The following HPN variants were observed in gnomAD, a reference collection of about 807,000 sequenced individuals.
The protein encoded by HPN is serine protease hepsin.
Under a neutral mutation model 55.9 loss-of-function variants are expected in HPN, and 13 were observed. The ratio of observed to expected loss-of-function variants is 0.23; its 90% CI spans 0.15 to 0.37. The LOEUF (loss-of-function observed/expected upper bound fraction) is 0.37. Among genes scored for constraint, HPN ranks in the 10% least tolerant of loss-of-function variants. The pLI, the probability that HPN is intolerant of heterozygous loss-of-function variation, is 1.00. For synonymous variants in HPN, 225 were observed against 240.3 expected (o/e 0.94, Z 0.59); for missense variants, 451 against 575.8 (o/e 0.78, Z 2.22).
chr19:35,047,826 G>T (rs1369617790), intron 2 of HPN, among the ~76,000 whole-genome samples: 1 of 151,634 alleles, frequency 6.6e-6, no homozygotes, highest in Non-Finnish European at 1.5e-5. Context: ...GGCAAACCCC[G>T]TCAATACAAA....
At chr19:35,043,135 T>G (rs2064310616) in intron 2 of HPN, among the ~76,000 whole-genome samples, 1 of 152,074 alleles carries the variant, frequency 6.6e-6, no homozygotes, top group African/African-American at 2.4e-5. Flanking sequence ...ATCCCAGACA[T>G]TCCTCCACCT....
chr19:35,049,375 G>A lies in HPN; in HGVS notation c.102G>A (p.Ala34=), dbSNP rs770206477. The A allele has an allele frequency of 3.3e-5, 53 of 1,603,272 alleles. No homozygotes were observed. Among genetic ancestry groups the A allele is most frequent in the Admixed American group, 6.8e-5 (4 of 58,932 alleles). ...GTLLLLTAIG[A]ASWAIVAVLL... ...TGCTACTTCTGACAGCCATCGGGGC[G>A]GCATCCTGGGCCATTGGTGAGAGCG... The change falls in exon 3 of 13, where the codon GCG becomes GCA. Residue 34 remains alanine (A), a synonymous_variant. Coordinates refer to ENST00000672452, the MANE Select transcript of HPN (RefSeq NM_001384133.1).
chr19:35,064,209 G>A (rs1356017061), intron 9 of HPN, among the ~76,000 whole-genome samples: 1 of 152,134 alleles, frequency 6.6e-6, no homozygotes, highest in Non-Finnish European at 1.5e-5. Context: ...CATAGGTTGT[G>A]CACTGCACAA....
Position 35,059,792 on chromosome 19 carries a change from G to A in HPN, c.280G>A (p.Gly94Ser). The change falls in exon 5 of 13, where the codon GGC (glycine) becomes AGC (serine). Residue 94 changes from glycine (G) to serine (S), a missense_variant. This residue lies in a region of HPN where 378 missense variants were observed against 445.5 expected (regional missense o/e 0.85). Transcript: ENST00000672452. ...AGCCGGACTCAGCTGCGAGGAGATG[G>A]GCTTCCTCAGGTACTGGGGGCCCTC... ...RVAGLSCEEM[G>S]FLRALTHSEL... is the part of the protein sequence containing the mutation. 6.3e-7 allele frequency: 1 copy of A among 1,574,872 alleles called. No homozygotes were observed.
intron 4 of HPN, among the ~76,000 whole-genome samples, chr19:35,058,571 A>T (rs990752854): frequency 6.8e-6 from 1 of 147,260 alleles, no homozygotes; most frequent in African/African-American, 2.5e-5. Flanking sequence ...TATTAATATT[A>T]TATTATAATA....
intron 2 of HPN, among the ~76,000 whole-genome samples, chr19:35,045,481 A>C (rs943405004): frequency 7.2e-5 from 11 of 152,092 alleles, no homozygotes; most frequent in Non-Finnish European, 1.2e-4. Flanking sequence ...GGGTCTTTGC[A>C]GCCAAATGGT....
At position 35,049,527 on chromosome 19, in the gene HPN, C is replaced by T; in HGVS notation, c.160+11C>T. 3 of 1,593,510 alleles carry T rather than the reference C, an allele frequency of 1.9e-6. No individual in the cohort carries two copies. Among genetic ancestry groups the T allele is most frequent in the Admixed American group, 1.8e-5 (1 of 56,326 alleles). The stretch of plus-strand genomic sequence containing the variant: ...AGCCGCTGTACCCAGGTGAGTGGAG[C>T]AGGCTGGGACCCTCTGGGGGAGCCC... On this transcript the variant is annotated intron_variant, in intron 4 of 12. Transcript: ENST00000672452.
At position 35,060,099 on chromosome 19, in the gene HPN, T is replaced by C. The variant is rs772738752; in HGVS notation, c.414-30T>C. On this transcript the variant is annotated intron_variant, in intron 6 of 12. Coordinates refer to ENST00000672452, the MANE Select transcript of HPN (RefSeq NM_001384133.1). The stretch of plus-strand genomic sequence containing the variant: ...TCTTAACTGGTCTCTATTTCCTTTC[T>C]TTCTGTGTCTCCAATCCCATCTCTC... 3.1e-6 allele frequency: 5 copies of C among 1,614,138 alleles called. No individual in the cohort carries two copies. The East Asian group carries it at 1.1e-4, about 36-fold the overall frequency.
intron 4 of HPN, among the ~76,000 whole-genome samples, chr19:35,056,185 T>C (rs952960945): frequency 5.9e-5 from 9 of 152,096 alleles, no homozygotes; most frequent in Admixed American, 2.6e-4. Context: ...TTGCAGCGAC[T>C]GAAAAGTGCA....
chr19:35,054,374 T>C (rs35876866), intron 4 of HPN, among the ~76,000 whole-genome samples: 43,155 of 149,024 alleles, frequency 0.29, 7,805 homozygotes, highest in African/African-American at 0.52. Flanking sequence ...GCCGAGATCA[T>C]GCCACTGCAC....
chr19:35,059,311 A>G (rs963581081), intron 4 of HPN: 2 of 379,082 alleles, frequency 5.3e-6, no homozygotes, highest in Non-Finnish European at 1.0e-5. Context: ...ACAAAACAAA[A>G]CAAAACAAAC....
intron 9 of HPN, among the ~76,000 whole-genome samples, chr19:35,062,633 C>T (rs1020214734): frequency 1.3e-5 from 2 of 152,084 alleles, no homozygotes; most frequent in African/African-American, 4.8e-5. Flanking sequence ...ATAGGCTGGG[C>T]ATGTAATCCC....
intron 4 of HPN, 84 bp from the exon 5 acceptor site, chr19:35,059,589 A>G: frequency 6.6e-7 from 1 of 1,515,998 alleles, no homozygotes; most frequent in Non-Finnish European, 8.9e-7. Flanking sequence ...GCTGGAGCAC[A>G]GGCCAGGAGG....
At chr19:35,058,556 T>C (rs113275029) in intron 4 of HPN, among the ~76,000 whole-genome samples, 8,682 of 145,638 alleles carry the variant, frequency 0.06, 771 homozygotes, top group African/African-American at 0.19. Flanking sequence ...TATATTCTAA[T>C]AATATATTAA....
At chr19:35,055,803 T>C (rs2064449232) in intron 4 of HPN, among the ~76,000 whole-genome samples, 1 of 152,080 alleles carries the variant, frequency 6.6e-6, no homozygotes, top group South Asian at 2.1e-4. Context: ...CCTGGCTGCC[T>C]CAAGAGGCTT....
intron 2 of HPN, among the ~76,000 whole-genome samples, chr19:35,045,015 A>G (rs2064328104): frequency 6.6e-6 from 1 of 152,086 alleles, no homozygotes; most frequent in African/African-American, 2.4e-5. Context: ...GGCCTCTGAG[A>G]CAGGACCGGG....
intron 2 of HPN, 123 bp downstream of exon 2, chr19:35,042,645 C>A (rs374546778): frequency 6.8e-6 from 4 of 586,814 alleles, no homozygotes; most frequent in Non-Finnish European, 1.1e-5. Context: ...GATGCATCCC[C>A]ACCCCTGTTA....
At chr19:35,045,875 G>A (rs977358212) in intron 2 of HPN, among the ~76,000 whole-genome samples, 2 of 152,148 alleles carry the variant, frequency 1.3e-5, no homozygotes, top group Non-Finnish European at 2.9e-5. Flanking sequence ...CACTGGAGGC[G>A]CTGAAGTCCT....
intron 2 of HPN, among the ~76,000 whole-genome samples, chr19:35,048,991 C>G (rs1454540592): frequency 6.6e-6 from 1 of 152,236 alleles, no homozygotes; most frequent in Non-Finnish European, 1.5e-5. Context: ...CACAGTGTCA[C>G]TGGGGAGGAG....
Sources: allele counts gnomAD v4.1 joint callset (sites outside exome capture counted in the v4.1 genomes callset), GRCh38; gene constraint gnomAD v4.1.1; regional missense constraint gnomAD v4.1.1; transcripts MANE v1.5; gene names NCBI Gene and HGNC (gene_info 2026-07-23, HGNC 2026-07-21).